The following SEPTIN12 variants were observed in gnomAD, a reference collection of about 807,000 sequenced individuals.
The protein encoded by SEPTIN12 is septin-12.
A neutral mutation model predicts 37.7 loss-of-function variants in SEPTIN12; 42 were observed. That is an observed-to-expected ratio of 1.11 (90% CI 0.87 to 1.44). The LOEUF is 1.44. Among genes scored for constraint, SEPTIN12 ranks in the 40% most tolerant of loss-of-function variants. SEPTIN12 has a pLI of 0.00. For synonymous variants in SEPTIN12, 254 were observed against 196.7 expected (o/e 1.29, Z -2.44); for missense variants, 613 against 479.2 (o/e 1.28, Z -2.61).
chr16:4,788,973 C>T (rs1455222130), upstream of SEPTIN12, among the ~76,000 whole-genome samples: 1 of 152,210 alleles, frequency 6.6e-6, no homozygotes, highest in Non-Finnish European at 1.5e-5. Flanking sequence ...GCTTTCCAGA[C>T]TGTGGTCCTC....
intron 8 of SEPTIN12, among the ~76,000 whole-genome samples, chr16:4,778,947 G>C (rs1389278688): frequency 6.6e-6 from 1 of 151,858 alleles, no homozygotes; most frequent in African/African-American, 2.4e-5. Context: ...AGACCAGCCT[G>C]GCAACATAGT....
intron 8 of SEPTIN12, among the ~76,000 whole-genome samples, chr16:4,778,906 G>T (rs1034735491): frequency 6.6e-6 from 1 of 151,974 alleles, no homozygotes; most frequent in Non-Finnish European, 1.5e-5. Flanking sequence ...TTGGGAGGCC[G>T]AGGCGGGCAG....
chr16:4,781,174 G>T (rs561701177), intron 7 of SEPTIN12, among the ~76,000 whole-genome samples: 5 of 151,208 alleles, frequency 3.3e-5, no homozygotes, highest in African/African-American at 9.7e-5. Flanking sequence ...CAGGAGAATC[G>T]CTTGAACCCA....
At chr16:4,783,212 T>C (rs995499046) in intron 7 of SEPTIN12, 156 of 501,340 alleles carry the variant, frequency 3.1e-4, no homozygotes, top group Non-Finnish European at 9.4e-5. Context: ...CCCGGCCCAA[T>C]GTTCTCTATA....
At chr16:4,783,805 G>GT (rs1215445549) in intron 5 of SEPTIN12, 39 bp from the exon 6 acceptor site, 2 of 1,604,672 alleles carry the variant, frequency 1.2e-6, no homozygotes, top group African/African-American at 2.7e-5. Flanking sequence ...GGCGGTGGTG[G>GT]TGAGTGTATA....
intron 8 of SEPTIN12, among the ~76,000 whole-genome samples, 168 bp downstream of exon 8, chr16:4,779,522 C>G (rs1300817509): frequency 1.3e-5 from 2 of 152,158 alleles, no homozygotes; most frequent in Admixed American, 6.5e-5. Flanking sequence ...CCAGAGGGTC[C>G]GGAAACTTGC....
At chr16:4,790,623 A>G (rs900856613), upstream of SEPTIN12, among the ~76,000 whole-genome samples, 2 of 152,158 alleles carry the variant, frequency 1.3e-5, no homozygotes, top group African/African-American at 4.8e-5. Flanking sequence ...CCCCATCTCT[A>G]CTAAAAATAC....
chr16:4,785,769 ACT>A, intron 4 of SEPTIN12, 36 bp downstream of exon 4: 1 of 1,481,806 alleles, frequency 6.7e-7, no homozygotes, highest in Middle Eastern at 1.8e-4. Context: ...CAAGAGTGAA[ACT>A]CTGCCTAAAA....
chr16:4,780,300 C>T (rs552781993), intron 7 of SEPTIN12, among the ~76,000 whole-genome samples: 3 of 150,388 alleles, frequency 2.0e-5, no homozygotes, highest in Non-Finnish European at 4.4e-5. Flanking sequence ...GTTGCCCAGG[C>T]TGGTCTCTAA....
chr16:4,790,398 C>G (rs1244184141), upstream of SEPTIN12, among the ~76,000 whole-genome samples: 2 of 152,182 alleles, frequency 1.3e-5, no homozygotes, highest in Non-Finnish European at 2.9e-5. Flanking sequence ...TCCTGAGCCC[C>G]AGGCCGACTT....
chr16:4,787,499 C>T lies in SEPTIN12; in HGVS notation c.147G>A (p.Glu49=). The change falls in exon 2 of 10, where the codon GAG becomes GAA. Residue 49 remains glutamate, a synonymous_variant. Transcript: ENST00000268231. Reference sequence around the variant, plus strand: ...ACTCACCCACCACCATGATGTTGAACTCAAACCCCATCTTCATAGCCTTGA... The same window carrying T: ...ACTCACCCACCACCATGATGTTGAATTCAAACCCCATCTTCATAGCCTTGA... ...LKIKAMKMGF[E]FNIMVVGQSG... 1.9e-6 allele frequency: 3 copies of T among 1,613,094 alleles called. No homozygotes were observed. The highest frequency in any genetic ancestry group is 2.5e-6 in the Non-Finnish European group (3 of 1,180,022).
chr16:4,780,726 C>T (rs1333218804), intron 7 of SEPTIN12, among the ~76,000 whole-genome samples: 3 of 152,108 alleles, frequency 2.0e-5, no homozygotes, highest in Non-Finnish European at 2.9e-5. Context: ...CACCTGTAAT[C>T]CTAGCATTTT....
At chr16:4,781,431 G>C (rs754751140) in intron 7 of SEPTIN12, among the ~76,000 whole-genome samples, 2 of 151,532 alleles carry the variant, frequency 1.3e-5, no homozygotes, top group African/African-American at 4.9e-5. Context: ...ATACCTTTTA[G>C]CAATCACTCC....
At chr16:4,785,143 G>T (rs2082422444) in intron 4 of SEPTIN12, among the ~76,000 whole-genome samples, 1 of 151,804 alleles carries the variant, frequency 6.6e-6, no homozygotes, top group Non-Finnish European at 1.5e-5. Flanking sequence ...CCAGCTACTT[G>T]GGAGGCTGAG....
intron 5 of SEPTIN12, 31 bp downstream of exon 5, chr16:4,783,900 G>C (rs374872985): frequency 6.2e-7 from 1 of 1,613,536 alleles, no homozygotes; most frequent in Non-Finnish European, 8.5e-7. Context: ...CCGTGCAGGT[G>C]GTCCTCGCCT....
At chr16:4,790,727 T>C (rs573076686), upstream of SEPTIN12, among the ~76,000 whole-genome samples, 1 of 152,266 alleles carries the variant, frequency 6.6e-6, no homozygotes, top group South Asian at 2.1e-4. Flanking sequence ...AGGTGGAGGT[T>C]GCAGTGAGCC....
intron 4 of SEPTIN12, among the ~76,000 whole-genome samples, chr16:4,784,634 G>C (rs988973885): frequency 8.2e-5 from 8 of 97,122 alleles, no homozygotes; most frequent in Admixed American, 7.8e-4. Flanking sequence ...GCTCGGTGGG[G>C]TGGCACGTGC....
chr16:4,784,070 T>C lies in SEPTIN12; in HGVS notation c.375-2A>G. On this transcript the variant is annotated splice_acceptor_variant, in intron 4 of 9. Coordinates refer to ENST00000268231, the MANE Select transcript of SEPTIN12 (RefSeq NM_144605.5). LOFTEE classifies it high-confidence loss of function. Reference sequence around the variant, plus strand: ...ATGTAGCCCAGGATGGGGTCCCAGCTGAGGCGGGAGGTGGACCCTCCCCTC... The same window carrying C: ...ATGTAGCCCAGGATGGGGTCCCAGCCGAGGCGGGAGGTGGACCCTCCCCTC... 1 of 1,614,028 alleles carries C rather than the reference T, an allele frequency of 6.2e-7. No individual in the cohort carries two copies. Among genetic ancestry groups the C allele is most frequent in the Non-Finnish European group, 8.5e-7 (1 of 1,179,974 alleles).
chr16:4,781,483 A>T (rs2082370847), intron 7 of SEPTIN12, among the ~76,000 whole-genome samples: 1 of 151,230 alleles, frequency 6.6e-6, no homozygotes, highest in African/African-American at 2.4e-5. Context: ...CCACCAATCT[A>T]CTTTCTGTCT....
Sources: allele counts gnomAD v4.1 joint callset (sites outside exome capture counted in the v4.1 genomes callset), GRCh38; gene constraint gnomAD v4.1.1; transcripts MANE v1.5; gene names NCBI Gene and HGNC (gene_info 2026-07-23, HGNC 2026-07-21).